The following AGAP1 variants were observed in gnomAD, a reference collection of about 807,000 sequenced individuals.
AGAP1 encodes arf-GAP with GTPase, ANK repeat and PH domain-containing protein 1.
AGAP1 carries 29 observed loss-of-function variants against 105.3 expected under a neutral mutation model. The observed-to-expected ratio is 0.28, with a 90% confidence interval of 0.21 to 0.38. The LOEUF is 0.38. Among genes scored for constraint, AGAP1 ranks in the 10% least tolerant of loss-of-function variants. The pLI, the probability that AGAP1 is intolerant of heterozygous loss-of-function variation, is 1.00. For missense variants in AGAP1, 998 were observed against 1,165.1 expected, an observed-to-expected ratio of 0.86 and a Z score of 2.09; for synonymous variants, 509 against 485.9, an observed-to-expected ratio of 1.05 and a Z score of -0.63.
At chr2:235,686,665 A>ATATTT (rs1369766503) in intron 1 of AGAP1, among the ~76,000 whole-genome samples, 14 of 77,496 alleles carry the variant, frequency 1.8e-4, no homozygotes, top group African/African-American at 5.8e-4. Context: ...ATATATATAT[A>ATATTT]TTTTTTTTTT....
rs375060286 is a variant in AGAP1 at position 235,797,874 on chromosome 2, G to A, written c.789G>A (p.Val263=). ...SSVCSAQVSA[V]HISQTSNGGG... ...TCTGTTCCGCGCAGGTGTCTGCCGTGCACATCAGCCAGGTACGTTAGGTGA... is the reference window on the plus strand; with the variant it reads ...TCTGTTCCGCGCAGGTGTCTGCCGTACACATCAGCCAGGTACGTTAGGTGA... Residue 263 remains valine (V), a synonymous_variant, in exon 7 of 18, where the codon GTG becomes GTA. Transcript: ENST00000304032. The A allele has an allele frequency of 1.1e-4, 180 of 1,614,148 alleles. 2 individuals carry two copies. In the Middle Eastern group the frequency reaches 2.1e-3, roughly 19 times the overall value.
intron 11 of AGAP1, among the ~76,000 whole-genome samples, chr2:235,912,098 C>T (rs1355070800): frequency 1.3e-5 from 2 of 152,162 alleles, no homozygotes; most frequent in African/African-American, 4.8e-5. Flanking sequence ...AAGCCATGGG[C>T]GGAGGCACTT....
Position 235,799,474 on chromosome 2 carries a change from G to A in AGAP1, c.909G>A (p.Thr303=), listed in dbSNP as rs763294074. The change falls in exon 8 of 18, where the codon ACG becomes ACA. Residue 303 remains threonine, a synonymous_variant. Transcript: ENST00000304032. The surrounding 1 kb of genome is among the most constrained non-coding windows in gnomAD (Gnocchi z 5.0). ...LRIDVPPTAN[T]PTPVRKQSKR... ...TCGATGTTCCTCCCACTGCCAACAC[G>A]CCCACGCCCGTTCGCAAGCAGTCTA... is the stretch of plus-strand genomic sequence containing the variant. 17 of 1,614,142 alleles carry A rather than the reference G, an allele frequency of 1.1e-5. No individual in the cohort carries two copies. Among genetic ancestry groups the A allele is most frequent in the Non-Finnish European group, 1.3e-5 (15 of 1,180,022 alleles).
At position 235,569,004 on chromosome 2, in the gene AGAP1, A is replaced by C. The variant is rs1031203984; in HGVS notation, c.163+74155A>C. 3.3e-5 allele frequency among the ~76,000 whole-genome samples: 5 copies of C among 152,234 alleles called. No homozygotes were observed. The highest frequency in any genetic ancestry group is 1.2e-4 in the African/African-American group (5 of 41,462). Reference sequence around the variant, plus strand: ...TCAATGCCATTAATTTAATCACACCAGCAAAGTTCCTTTTGCCATATAAGG... The same window carrying C: ...TCAATGCCATTAATTTAATCACACCCGCAAAGTTCCTTTTGCCATATAAGG... On this transcript the variant is annotated intron_variant, in intron 1 of 17. Transcript: ENST00000304032. This position sits in a 1 kb window ranked among gnomAD's most constrained non-coding sequence, Gnocchi z 5.9.
intron 1 of AGAP1, among the ~76,000 whole-genome samples, chr2:235,579,431 C>G (rs183083228): frequency 6.6e-6 from 1 of 152,180 alleles, no homozygotes; most frequent in Non-Finnish European, 1.5e-5. Flanking sequence ...TTGTTGTTGT[C>G]GTTAAAAAAT....
chr2:236,021,011 C>T (rs918340052), intron 13 of AGAP1, among the ~76,000 whole-genome samples: 11 of 151,960 alleles, frequency 7.2e-5, no homozygotes, highest in African/African-American at 2.7e-4. Context: ...ACTAAAAATA[C>T]AAAAATTAGC....
In AGAP1 at chr2:236,035,511, G is replaced by A. The variant is rs1259109968; in HGVS notation, c.1646-1050G>A. On this transcript the variant is annotated intron_variant, in intron 13 of 17. Coordinates refer to ENST00000304032, the MANE Select transcript of AGAP1 (RefSeq NM_001037131.3). This position sits in a 1 kb window ranked among gnomAD's most constrained non-coding sequence, Gnocchi z 4.2. Reference sequence around the variant, plus strand: ...GTGTGATGGTACACACCTGTAGTCCGAGCTACTCAGGAGGCGAAGGCAGGC... The same window carrying A: ...GTGTGATGGTACACACCTGTAGTCCAAGCTACTCAGGAGGCGAAGGCAGGC... Among the ~76,000 whole-genome samples, 3 of 152,112 alleles carry A rather than the reference G, an allele frequency of 2.0e-5. No homozygotes were observed. Among genetic ancestry groups the A allele is most frequent in the Non-Finnish European group, 4.4e-5 (3 of 68,030 alleles).
At chr2:235,885,863 A>G (rs1253377756) in intron 10 of AGAP1, among the ~76,000 whole-genome samples, 2 of 152,242 alleles carry the variant, frequency 1.3e-5, no homozygotes, top group Admixed American at 6.5e-5. Flanking sequence ...AGATTCTTAC[A>G]TAGATATTCT....
chr2:235,883,211 T>A lies in AGAP1; in HGVS notation c.1051-134T>A. ...GTATTTGTTGAACTAATGGCATATCTTTTAGCATTCGCCAGTATCACAGAG... is the reference window on the plus strand; with the variant it reads ...GTATTTGTTGAACTAATGGCATATCATTTAGCATTCGCCAGTATCACAGAG... On this transcript the variant is annotated intron_variant, in intron 9 of 17. Coordinates refer to ENST00000304032, the MANE Select transcript of AGAP1 (RefSeq NM_001037131.3). This position sits in a 1 kb window ranked among gnomAD's most constrained non-coding sequence, Gnocchi z 4.5. 1 of 682,400 alleles carries A rather than the reference T, an allele frequency of 1.5e-6. No individual in the cohort carries two copies. Among genetic ancestry groups the A allele is most frequent in the Admixed American group, 2.7e-5 (1 of 37,396 alleles). 42.3% of individuals were successfully genotyped at this position (682,400 alleles called of 1,614,324 possible). A position where few individuals can be genotyped will look rare whatever the true frequency, so the allele number is the denominator to read the frequency against.
rs2055660487 is a variant in AGAP1, at chr2:235,993,467, A to G, written c.1645+24844A>G. On this transcript the variant is annotated intron_variant, in intron 13 of 17. Transcript: ENST00000304032. The surrounding 1 kb of genome is among the most constrained non-coding windows in gnomAD (Gnocchi z 5.0). ...TGATGGAAACTGCTTCTCAAAGTGG[A>G]AGACAGGGAGCACCTCTGCAGGCCT... 1.3e-5 allele frequency among the ~76,000 whole-genome samples: 2 copies of G among 152,202 alleles called. No homozygotes were observed. Among genetic ancestry groups the G allele is most frequent in the African/African-American group, 4.8e-5 (2 of 41,444 alleles).
Position 235,992,152 on chromosome 2 carries a change from C to G in AGAP1, c.1645+23529C>G, listed in dbSNP as rs541484525. 7.9e-5 allele frequency among the ~76,000 whole-genome samples: 12 copies of G among 152,286 alleles called. No homozygotes were observed. The South Asian group carries it at 2.3e-3, about 29-fold the overall frequency. ...AGTGGTTAGAAGCGCAGCGGAGGAG[C>G]CTGTCTTCCTGGGTCCGAGTTGCGT... On this transcript the variant is annotated intron_variant, in intron 13 of 17. Transcript: ENST00000304032. The surrounding 1 kb of genome is among the most constrained non-coding windows in gnomAD (Gnocchi z 4.8).
At chr2:235,580,881 TTA>T (rs1944908253) in intron 1 of AGAP1, among the ~76,000 whole-genome samples, 1 of 152,160 alleles carries the variant, frequency 6.6e-6, no homozygotes, top group Admixed American at 6.5e-5. Context: ...GCTCTCGACC[TTA>T]GGGTGTAATG....
chr2:235,621,221 C>T lies in AGAP1; in HGVS notation c.164-87958C>T, dbSNP rs561086985. 3.9e-5 allele frequency among the ~76,000 whole-genome samples: 6 copies of T among 152,112 alleles called. No individual in the cohort carries two copies. The highest frequency in any genetic ancestry group is 6.5e-5 in the Admixed American group (1 of 15,282). On this transcript the variant is annotated intron_variant, in intron 1 of 17. Coordinates refer to ENST00000304032, the MANE Select transcript of AGAP1 (RefSeq NM_001037131.3). This position sits in a 1 kb window ranked among gnomAD's most constrained non-coding sequence, Gnocchi z 4.1. ...ATTTTTAGTACAGATAGGGATTCAC[C>T]GTGTTGGCCAGGGTGGTCTTGAACT...
rs1947053170 is a variant in AGAP1, at chr2:235,637,710, G to T, written c.164-71469G>T. Among the ~76,000 whole-genome samples the T allele has an allele frequency of 3.3e-5, 5 of 152,272 alleles. No individual in the cohort carries two copies. The South Asian group carries it at 8.3e-4, about 25-fold the overall frequency. ...GAAAGTGAGTGTTGCATTATTCAGG[G>T]TTCTCAGAGAAGCAGAACCATATGG... On this transcript the variant is annotated intron_variant, in intron 1 of 17. Coordinates refer to ENST00000304032, the MANE Select transcript of AGAP1 (RefSeq NM_001037131.3).
chr2:235,709,831 C>G (rs546249337), intron 2 of AGAP1, among the ~76,000 whole-genome samples: 40 of 152,262 alleles, frequency 2.6e-4, no homozygotes, highest in African/African-American at 8.4e-4. Flanking sequence ...CCTTTCCAGC[C>G]GCTCCCCTCT....
intron 13 of AGAP1, among the ~76,000 whole-genome samples, chr2:235,995,186 A>G (rs980622006): frequency 1.3e-5 from 2 of 151,696 alleles, no homozygotes; most frequent in African/African-American, 4.8e-5. Context: ...TAATTTACTT[A>G]AAGCTGTCAT....
rs1559288520 is a variant in AGAP1 at position 236,113,058 on chromosome 2, CCTTT to C, written c.2115-7129_2115-7126del. Among the ~76,000 whole-genome samples, 1 of 152,252 alleles carries C rather than the reference CCTTT, an allele frequency of 6.6e-6. No homozygotes were observed. Among genetic ancestry groups the C allele is most frequent in the Non-Finnish European group, 1.5e-5 (1 of 68,044 alleles). ...TCTACCTGTCTCTTCTTTCCTGCAG[CCTTT>C]CTTTTTTCCCACGATTTCCCAAAAT... On this transcript the variant is annotated intron_variant, in intron 16 of 17. Coordinates refer to ENST00000304032, the MANE Select transcript of AGAP1 (RefSeq NM_001037131.3). The surrounding 1 kb of genome is among the most constrained non-coding windows in gnomAD (Gnocchi z 4.3).
rs1042626180 is a variant in AGAP1 at position 235,904,721 on chromosome 2, T to C, written c.1156-4017T>C. Among the ~76,000 whole-genome samples the C allele has an allele frequency of 2.6e-5, 4 of 152,204 alleles. No homozygotes were observed. The highest frequency in any genetic ancestry group is 9.6e-5 in the African/African-American group (4 of 41,456). ...TACGGAGGACATTGTTTAGTGGTTG[T>C]AGCTTTAATTCCTCAAGTACCAAGC... is the stretch of plus-strand genomic sequence containing the variant. On this transcript the variant is annotated intron_variant, in intron 10 of 17. Transcript: ENST00000304032. The surrounding 1 kb of genome is among the most constrained non-coding windows in gnomAD (Gnocchi z 4.2).
At chr2:235,838,631 T>C (rs1960450246) in intron 9 of AGAP1, among the ~76,000 whole-genome samples, 2 of 152,246 alleles carry the variant, frequency 1.3e-5, no homozygotes. Flanking sequence ...TCTACACTTT[T>C]AAAAACTCAC....
Sources: gnomAD v4.1 joint callset for allele counts (sites outside exome capture counted in the v4.1 genomes callset) on GRCh38, gnomAD v4.1.1 for gene constraint, Gnocchi (gnomAD v3.1) non-coding constraint, MANE v1.5 for transcripts, NCBI Gene and HGNC (gene_info 2026-07-23, HGNC 2026-07-21) for gene names.